Variants in ARB2A observed in about 807,000 individuals in gnomAD.
ARB2A encodes the protein cotranscriptional regulator ARB2A.
At chr5:93,981,728 C>G in the ARB2A span, among the ~76,000 whole-genome samples, 1 of 151,702 alleles carries the variant, frequency 6.6e-6, no homozygotes, top group Non-Finnish European at 1.5e-5. Context: ...TGAACAGGCC[C>G]GAGGTTAATT....
the ARB2A span, among the ~76,000 whole-genome samples, chr5:93,852,281 GC>G: frequency 2.6e-5 from 4 of 152,008 alleles, no homozygotes; most frequent in Non-Finnish European, 5.9e-5. Flanking sequence ...CATATCCTTT[GC>G]CCACTTTTTG....
the ARB2A span, among the ~76,000 whole-genome samples, chr5:93,886,104 A>G: frequency 1.3e-5 from 2 of 151,708 alleles, no homozygotes; most frequent in African/African-American, 4.8e-5. Context: ...TCTGACCCCA[A>G]ATGAAATCTG....
chr5:93,621,296 G>A, the ARB2A span, among the ~76,000 whole-genome samples: 1 of 150,872 alleles, frequency 6.6e-6, no homozygotes, highest in Non-Finnish European at 1.5e-5. Flanking sequence ...CCTCAGCCAG[G>A]ACCCCCGCCC....
At chr5:94,109,271 C>T in the ARB2A span, among the ~76,000 whole-genome samples, 3 of 152,100 alleles carry the variant, frequency 2.0e-5, no homozygotes, top group Admixed American at 6.5e-5. Context: ...TTGTCAGGGG[C>T]TGAAGGTAAC....
chr5:93,767,410 G>A, the ARB2A span, among the ~76,000 whole-genome samples: 2 of 152,112 alleles, frequency 1.3e-5, no homozygotes, highest in African/African-American at 2.4e-5. Flanking sequence ...GTGGTGATGA[G>A]GGAGCACTTC....
At chr5:93,689,724 C>T in the ARB2A span, among the ~76,000 whole-genome samples, 6 of 151,554 alleles carry the variant, frequency 4.0e-5, no homozygotes, top group Admixed American at 6.6e-5. Flanking sequence ...CGGAGTTTCG[C>T]TCTTGTTGTC....
chr5:94,097,107 C>T, the ARB2A span, among the ~76,000 whole-genome samples: 1 of 152,154 alleles, frequency 6.6e-6, no homozygotes, highest in Non-Finnish European at 1.5e-5. Flanking sequence ...GGACGGCTAT[C>T]CCCCAAAGCT....
the ARB2A span, among the ~76,000 whole-genome samples, chr5:93,783,510 C>A: frequency 6.6e-6 from 1 of 152,086 alleles, no homozygotes; most frequent in East Asian, 1.9e-4. Flanking sequence ...AATTTACCCA[C>A]CACACAGTCC....
the ARB2A span, among the ~76,000 whole-genome samples, chr5:93,831,271 C>G: frequency 4.9e-5 from 7 of 144,258 alleles, no homozygotes; most frequent in South Asian, 4.5e-4. Context: ...CTTTTTGAAG[C>G]CTTGCTCTGA....
chr5:93,852,899 T>G, the ARB2A span, among the ~76,000 whole-genome samples: 1 of 152,034 alleles, frequency 6.6e-6, no homozygotes, highest in Non-Finnish European at 1.5e-5. Context: ...GATGCCTCCC[T>G]CTTTGTTCTT....
At chr5:93,941,537 C>T in the ARB2A span, among the ~76,000 whole-genome samples, 2 of 152,144 alleles carry the variant, frequency 1.3e-5, no homozygotes. Flanking sequence ...AAACCCCAAG[C>T]CTTTTGACAT....
At chr5:93,859,188 A>C in the ARB2A span, among the ~76,000 whole-genome samples, 2 of 152,174 alleles carry the variant, frequency 1.3e-5, no homozygotes, top group African/African-American at 4.8e-5. Context: ...AAAACTGATT[A>C]ACCATTTTGA....
chr5:93,647,015 G>A, the ARB2A span, among the ~76,000 whole-genome samples: 3 of 152,062 alleles, frequency 2.0e-5, no homozygotes, highest in South Asian at 2.1e-4. Flanking sequence ...TGAACTACTT[G>A]ATAGTAAGTT....
chr5:94,107,574 A>G, the ARB2A span, among the ~76,000 whole-genome samples: 1 of 152,102 alleles, frequency 6.6e-6, no homozygotes, highest in Non-Finnish European at 1.5e-5. Context: ...ACTTATAGGC[A>G]ATTGGACATT....
the ARB2A span, among the ~76,000 whole-genome samples, chr5:93,874,144 C>G: frequency 6.6e-6 from 1 of 152,132 alleles, no homozygotes; most frequent in Admixed American, 6.5e-5. Flanking sequence ...GAGTGTAGCA[C>G]TGAGGTATTA....
chr5:93,733,060 T>A, the ARB2A span, among the ~76,000 whole-genome samples: 7 of 152,176 alleles, frequency 4.6e-5, no homozygotes, highest in African/African-American at 1.7e-4. Context: ...CTTTCTATCA[T>A]GTTTAATTTT....
the ARB2A span, among the ~76,000 whole-genome samples, chr5:93,665,789 C>G: frequency 6.6e-6 from 1 of 152,306 alleles, no homozygotes; most frequent in South Asian, 2.1e-4. Context: ...CCTGCACGTA[C>G]TGAGCCCTGA....
chr5:94,080,897 A>G, the ARB2A span, among the ~76,000 whole-genome samples: 58 of 152,192 alleles, frequency 3.8e-4, no homozygotes, highest in Non-Finnish European at 7.5e-4. Context: ...AATCTAAGCT[A>G]TAACAATGTC....
At chr5:94,012,819 T>A in the ARB2A span, among the ~76,000 whole-genome samples, 1 of 152,244 alleles carries the variant, frequency 6.6e-6, no homozygotes, top group East Asian at 1.9e-4. Context: ...AAGCTTTGTA[T>A]TGCAAATCTC....
Sources: allele counts gnomAD v4.1 joint callset (sites outside exome capture counted in the v4.1 genomes callset), GRCh38; gene constraint gnomAD v4.1.1; transcripts MANE v1.5; gene names NCBI Gene and HGNC (gene_info 2026-07-23, HGNC 2026-07-21).